The following THAP2 variants were observed in gnomAD, a reference collection of about 807,000 sequenced individuals.
THAP2 encodes THAP domain-containing protein 2.
A neutral mutation model predicts 18.8 loss-of-function variants in THAP2; 16 were observed. The observed-to-expected ratio is 0.85, with a 90% CI of 0.58 to 1.29. THAP2 has a LOEUF of 1.29. THAP2 is among the 50% of genes most tolerant of loss of function. THAP2 has a pLI of 0.00. For missense variants in THAP2, 251 were observed against 265.3 expected (o/e 0.95, Z 0.38); for synonymous variants, 80 against 89.2 (o/e 0.90, Z 0.58).
intron 1 of THAP2, among the ~76,000 whole-genome samples, chr12:71,672,756 G>T (rs1039093851): frequency 6.6e-6 from 1 of 151,540 alleles, no homozygotes; most frequent in African/African-American, 2.4e-5. Flanking sequence ...ACTTTTTCTT[G>T]TATTGTCATG....
Position 71,664,523 on chromosome 12 carries a change from G to T in THAP2, c.14G>T (p.Cys5Phe). The change falls in exon 1 of 3, where the codon TGC becomes TTC. Residue 5 changes from cysteine (C) to phenylalanine (F), a missense_variant. Physicochemically the swap from Cys to Phe is radical, Grantham distance 205. Transcript: ENST00000308086. ...TGGGAAAGGGAAATGCCGACCAATT[G>T]CGCTGCGGCGGGCTGTGCCACTACC... MPTNCAAAGCATTYN... is the reference protein window; with the variant it reads MPTNFAAAGCATTYN... The T allele has an allele frequency of 1.9e-6, 3 of 1,614,184 alleles. No homozygotes were observed. Among genetic ancestry groups the T allele is most frequent in the Non-Finnish European group, 2.5e-6 (3 of 1,180,028 alleles).
intron 1 of THAP2, among the ~76,000 whole-genome samples, chr12:71,672,173 A>T (rs1881452616): frequency 6.6e-6 from 1 of 151,858 alleles, no homozygotes; most frequent in African/African-American, 2.4e-5. Context: ...CCTTTGTGGC[A>T]TTTTTTTCAA....
intron 1 of THAP2, chr12:71,665,849 G>A (rs1434471683): frequency 6.6e-6 from 1 of 152,230 alleles, no homozygotes; most frequent in African/African-American, 2.4e-5. Flanking sequence ...GAGAATCGTA[G>A]TGTTACTGAA....
At position 71,678,927 on chromosome 12, in the gene THAP2, TA is replaced by T. The variant is rs1219257969; in HGVS notation, c.*1820del. ...TTCCTTGGAATTGTCATTACATATT[TA>T]TTTTTTTCTAGTATGGTTTCAAATA... On this transcript the variant is annotated 3_prime_UTR_variant, in exon 3 of 3. Transcript: ENST00000308086. The T allele has an allele frequency of 6.6e-6, 1 of 152,224 alleles. No individual in the cohort carries two copies. The highest frequency in any genetic ancestry group is 1.5e-5 in the Non-Finnish European group (1 of 68,024). 9.4% of individuals were successfully genotyped at this position (152,224 alleles called of 1,614,324 possible).
chr12:71,666,356 CA>C (rs1389151374), intron 1 of THAP2, among the ~76,000 whole-genome samples: 1 of 151,774 alleles, frequency 6.6e-6, no homozygotes, highest in East Asian at 1.9e-4. Flanking sequence ...CAAAAAAATA[CA>C]AAAAAATCAG....
chr12:71,664,795 T>G, intron 1 of THAP2: 1 of 716,274 alleles, frequency 1.4e-6, no homozygotes, highest in Admixed American at 2.0e-5. Flanking sequence ...CAAGTACTGT[T>G]TGGTCATTAC....
chr12:71,669,122 A>C (rs1472784839), intron 1 of THAP2, among the ~76,000 whole-genome samples: 3 of 152,254 alleles, frequency 2.0e-5, no homozygotes, highest in Non-Finnish European at 4.4e-5. Context: ...TTGAGTGCTT[A>C]ACAGATACTA....
intron 1 of THAP2, among the ~76,000 whole-genome samples, chr12:71,671,756 G>C (rs1881442724): frequency 6.6e-6 from 1 of 152,102 alleles, no homozygotes; most frequent in South Asian, 2.1e-4. Flanking sequence ...CATGTGTAAT[G>C]ATCCTTAAAA....
At chr12:71,671,342 T>C (rs1881433283) in intron 1 of THAP2, among the ~76,000 whole-genome samples, 1 of 152,226 alleles carries the variant, frequency 6.6e-6, no homozygotes, top group African/African-American at 2.4e-5. Context: ...TCAATTTTTC[T>C]GGCATTGCTG....
chr12:71,666,729 T>TTTTTTC (rs1234423069), intron 1 of THAP2, among the ~76,000 whole-genome samples: 1 of 152,094 alleles, frequency 6.6e-6, no homozygotes, highest in Non-Finnish European at 1.5e-5. Context: ...TAGTAGACTT[T>TTTTTTC]TTTTTCTTTT....
In THAP2 at chr12:71,664,455, T is replaced by A; in HGVS notation, c.-55T>A. On this transcript the variant is annotated 5_prime_UTR_variant, in exon 1 of 3. Coordinates refer to ENST00000308086, the MANE Select transcript of THAP2 (RefSeq NM_031435.4). Reference sequence around the variant, plus strand: ...GTCCAGCCTCTGCCAGAAGAAAGCTTAGCAGCCAGCGCCTCAGTAGAGACC... The same window carrying A: ...GTCCAGCCTCTGCCAGAAGAAAGCTAAGCAGCCAGCGCCTCAGTAGAGACC... 6.2e-7 allele frequency: 1 copy of A among 1,608,730 alleles called. No homozygotes were observed. The highest frequency in any genetic ancestry group is 8.5e-7 in the Non-Finnish European group (1 of 1,175,560).
At chr12:71,670,822 C>T (rs1251559773) in intron 1 of THAP2, among the ~76,000 whole-genome samples, 1 of 151,292 alleles carries the variant, frequency 6.6e-6, no homozygotes, top group African/African-American at 2.4e-5. Context: ...GCCTGTAATC[C>T]CAGCTACTCA....
At position 71,674,468 on chromosome 12, in the gene THAP2, T is replaced by TA; in HGVS notation, c.267+72dup. 1.3e-5 allele frequency: 19 copies of TA among 1,428,450 alleles called. No homozygotes were observed. In the South Asian group the frequency reaches 2.8e-4, roughly 21 times the overall value. The allele number at this position is 1,428,450 out of a possible 1,614,324, so 88.5% of individuals were successfully genotyped here. ...CATTCCTTTTTGTTTATGCAGTTATTAACTGAAATTCATTTATAGTGATAT... is the reference window on the plus strand; with the variant it reads ...CATTCCTTTTTGTTTATGCAGTTATTAAACTGAAATTCATTTATAGTGATAT... On this transcript the variant is annotated intron_variant, in intron 2 of 2. Coordinates refer to ENST00000308086, the MANE Select transcript of THAP2 (RefSeq NM_031435.4).
In THAP2 at chr12:71,676,917, T is replaced by C. The variant is rs777336763; in HGVS notation, c.496T>C (p.Trp166Arg). Residue 166 changes from tryptophan to arginine, a missense_variant, in exon 3 of 3, where the codon TGG (tryptophan) becomes CGG (arginine). Transcript: ENST00000308086. ...LQKERRATRRWIKATCLVKNL... is the reference protein window; with the variant it reads ...LQKERRATRRRIKATCLVKNL... The stretch of plus-strand genomic sequence containing the variant: ...AAAGGAACGCAGAGCAACTCGAAGA[T>C]GGATCAAAGCCACGTGTTTGGTAAA... 7 of 1,613,694 alleles carry C rather than the reference T, an allele frequency of 4.3e-6. No homozygotes were observed. The highest frequency in any genetic ancestry group is 5.9e-6 in the Non-Finnish European group (7 of 1,179,760).
At chr12:71,667,095 C>G (rs141337664) in intron 1 of THAP2, among the ~76,000 whole-genome samples, 1 of 152,296 alleles carries the variant, frequency 6.6e-6, no homozygotes, top group African/African-American at 2.4e-5. Flanking sequence ...CTCTATCTTT[C>G]TTACCTCTTA....
At position 71,678,788 on chromosome 12, in the gene THAP2, A is replaced by G. The variant is rs1881558958; in HGVS notation, c.*1680A>G. The G allele has an allele frequency of 6.6e-6, 1 of 152,208 alleles. No homozygotes were observed. Among genetic ancestry groups the G allele is most frequent in the African/African-American group, 2.4e-5 (1 of 41,458 alleles). The allele number at this position is 152,208 out of a possible 1,614,324, so 9.4% of individuals were successfully genotyped here. ...CCTCCCAAGGAAATGCAAAGGTAGG[A>G]AAAGTCTCTTAGAATGCCCATGAGG... On this transcript the variant is annotated 3_prime_UTR_variant, in exon 3 of 3. Coordinates refer to ENST00000308086, the MANE Select transcript of THAP2 (RefSeq NM_031435.4).
rs1278354761 is a variant in THAP2 at position 71,678,461 on chromosome 12, T to C, written c.*1353T>C. 6.6e-6 allele frequency: 1 copy of C among 152,660 alleles called. No individual in the cohort carries two copies. Among genetic ancestry groups the C allele is most frequent in the Non-Finnish European group, 1.5e-5 (1 of 68,044 alleles). 9.5% of individuals were successfully genotyped at this position (152,660 alleles called of 1,614,324 possible). ...CATTGCCACTTGAACAATTAAAGGGTTTGCTTTATTTCACTAATGTTTAAT... is the reference window on the plus strand; with the variant it reads ...CATTGCCACTTGAACAATTAAAGGGCTTGCTTTATTTCACTAATGTTTAAT... On this transcript the variant is annotated 3_prime_UTR_variant, in exon 3 of 3. Coordinates refer to ENST00000308086, the MANE Select transcript of THAP2 (RefSeq NM_031435.4).
At chr12:71,664,708 A>G (rs768621257) in intron 1 of THAP2, 128 bp downstream of exon 1, 7 of 1,049,270 alleles carry the variant, frequency 6.7e-6, no homozygotes, top group African/African-American at 6.3e-5. Flanking sequence ...GAAGCATCGT[A>G]TGTCCTTTGT....
At position 71,677,628 on chromosome 12, in the gene THAP2, A is replaced by G. The variant is rs1881541861; in HGVS notation, c.*520A>G. 6.6e-6 allele frequency: 1 copy of G among 152,134 alleles called. No homozygotes were observed. The highest frequency in any genetic ancestry group is 1.5e-5 in the Non-Finnish European group (1 of 68,024). 9.4% of individuals were successfully genotyped at this position (152,134 alleles called of 1,614,324 possible). On this transcript the variant is annotated 3_prime_UTR_variant, in exon 3 of 3. Transcript: ENST00000308086. ...ATTAAAACTTTCTATATTTTGTTTTACCAGTAAAAGTGAGCTTATCATGGC... is the reference window on the plus strand; with the variant it reads ...ATTAAAACTTTCTATATTTTGTTTTGCCAGTAAAAGTGAGCTTATCATGGC...
Sources: gnomAD v4.1 joint callset for allele counts (sites outside exome capture counted in the v4.1 genomes callset) on GRCh38, gnomAD v4.1.1 for gene constraint, MANE v1.5 for transcripts, NCBI Gene and HGNC (gene_info 2026-07-23, HGNC 2026-07-21) for gene names.